TRHDE: variants seen among roughly 807,000 people sequenced by gnomAD.
TRHDE encodes the protein thyrotropin releasing hormone degrading enzyme.
A neutral mutation model predicts 125.7 loss-of-function variants in TRHDE; 72 were observed. The observed-to-expected ratio is 0.57, with a 90% CI of 0.47 to 0.70. The LOEUF is 0.70. Ranked by LOEUF, TRHDE falls within the 30% of genes least tolerant of loss-of-function variation. TRHDE has a pLI of 0.00. For synonymous variants in TRHDE, 509 were observed against 509.1 expected, an observed-to-expected ratio of 1.00 and a Z score of 0.00; for missense variants, 1,110 against 1,327.1, an observed-to-expected ratio of 0.84 and a Z score of 2.54.
intron 6 of TRHDE, among the ~76,000 whole-genome samples, chr12:72,512,061 C>G (rs1280438993): frequency 6.6e-6 from 1 of 152,028 alleles, no homozygotes; most frequent in Non-Finnish European, 1.5e-5. Flanking sequence ...TGCTGAAAAG[C>G]TTAAGAAGGT....
chr12:72,295,887 C>T (rs912700049), intron 2 of TRHDE, among the ~76,000 whole-genome samples: 5 of 151,912 alleles, frequency 3.3e-5, no homozygotes, highest in African/African-American at 1.2e-4. Context: ...CATAGAGAAA[C>T]TAAAATAAAT....
At chr12:72,232,588 C>T (rs918616490) in intron 2 of TRHDE, among the ~76,000 whole-genome samples, 6 of 151,922 alleles carry the variant, frequency 3.9e-5, no homozygotes, top group Admixed American at 3.3e-4. Flanking sequence ...AGAGTTAATA[C>T]AGAACTCTAG....
At chr12:72,607,329 C>T (rs1365414646) in intron 12 of TRHDE, among the ~76,000 whole-genome samples, 1 of 152,136 alleles carries the variant, frequency 6.6e-6, no homozygotes, top group Admixed American at 6.5e-5. Context: ...TGTATGCACA[C>T]ATAGCATAAA....
intron 2 of TRHDE, among the ~76,000 whole-genome samples, chr12:72,216,699 A>G (rs1877899249): frequency 6.6e-6 from 1 of 151,294 alleles, no homozygotes; most frequent in Non-Finnish European, 1.5e-5. Context: ...GTGTCACCAA[A>G]CAAATATCAT....
In TRHDE at chr12:72,618,923, A is replaced by C; in HGVS notation, c.2354A>C (p.Glu785Ala). The C allele has an allele frequency of 6.4e-7, 1 of 1,573,428 alleles. No individual in the cohort carries two copies. The highest frequency in any genetic ancestry group is 1.2e-5 in the South Asian group (1 of 84,308). The change falls in exon 13 of 19, where the codon GAG becomes GCG. Residue 785 changes from glutamate to alanine, a missense_variant. By Grantham distance (107) the Glu-to-Ala change is moderately radical (BLOSUM62 -1). This residue lies in a region of TRHDE where 527 missense variants were observed against 651.8 expected (regional missense o/e 0.81). Transcript: ENST00000261180. Reference protein sequence around the residue: ...AGYLPQNIPLEIIRYLSEEKD... With the variant: ...AGYLPQNIPLAIIRYLSEEKD... ...TATTTGCCTCAGAATATTCCTCTGG[A>C]GATTATCAGATACCTGTCTGAGGAG...
intron 17 of TRHDE, among the ~76,000 whole-genome samples, chr12:72,656,182 A>G (rs1488033607): frequency 6.6e-6 from 1 of 152,136 alleles, no homozygotes; most frequent in East Asian, 1.9e-4. Flanking sequence ...ACTCACTGAC[A>G]CAAGTTGTTC....
Position 72,357,464 on chromosome 12 carries a change from G to T in TRHDE, c.1189-20531G>T, listed in dbSNP as rs375105196. On this transcript the variant is annotated intron_variant, in intron 2 of 18. Coordinates refer to ENST00000261180, the MANE Select transcript of TRHDE (RefSeq NM_013381.3). ...CATGTAAGTGATATTAAGCAATATT[G>T]TTCTTTCTGTGTCTGGCTTATTTCC... Among the ~76,000 whole-genome samples, 4 of 151,460 alleles carry T rather than the reference G, an allele frequency of 2.6e-5. No homozygotes were observed. The South Asian group carries it at 6.2e-4, about 24-fold the overall frequency.
chr12:72,490,222 T>C (rs986476770), intron 5 of TRHDE, among the ~76,000 whole-genome samples: 1 of 151,750 alleles, frequency 6.6e-6, no homozygotes, highest in South Asian at 2.1e-4. Flanking sequence ...CCAGCAGATA[T>C]ATGAAAAGAT....
In TRHDE at chr12:72,331,753, TG is replaced by T. The variant is rs1398830556; in HGVS notation, c.1188+44801del. Among the ~76,000 whole-genome samples, 3 of 152,282 alleles carry T rather than the reference TG, an allele frequency of 2.0e-5. No individual in the cohort carries two copies. The East Asian group carries it at 5.8e-4, about 29-fold the overall frequency. On this transcript the variant is annotated intron_variant, in intron 2 of 18. Transcript: ENST00000261180. ...ATGGCCCAACCTAGAGGAAGTTGTG[TG>T]GCAAGAGGTGGGAAGATAGGCATGT...
At chr12:72,435,107 C>T (rs1246323259) in intron 3 of TRHDE, among the ~76,000 whole-genome samples, 2 of 152,152 alleles carry the variant, frequency 1.3e-5, no homozygotes, top group Non-Finnish European at 2.9e-5. Flanking sequence ...TCATTGTTGT[C>T]AGATCTTGTC....
intron 6 of TRHDE, among the ~76,000 whole-genome samples, chr12:72,516,160 G>T (rs930462484): frequency 4.6e-5 from 7 of 151,296 alleles, no homozygotes; most frequent in African/African-American, 1.7e-4. Context: ...CTTTAAAGTA[G>T]TTTTTTCCAA....
intron 3 of TRHDE, among the ~76,000 whole-genome samples, chr12:72,443,074 C>T (rs1322319638): frequency 6.6e-6 from 1 of 151,762 alleles, no homozygotes; most frequent in South Asian, 2.1e-4. Context: ...GTAAAGTCCT[C>T]CACGATTTGG....
intron 6 of TRHDE, among the ~76,000 whole-genome samples, chr12:72,537,664 T>C (rs1475537018): frequency 6.6e-6 from 1 of 152,076 alleles, no homozygotes; most frequent in Non-Finnish European, 1.5e-5. Context: ...CTTAAACTCC[T>C]AATTACGTTT....
At chr12:72,411,835 G>C (rs1021611727) in intron 3 of TRHDE, among the ~76,000 whole-genome samples, 2 of 152,066 alleles carry the variant, frequency 1.3e-5, no homozygotes, top group Non-Finnish European at 2.9e-5. Context: ...ACTTATTGAG[G>C]GATATTTGAG....
intron 3 of TRHDE, among the ~76,000 whole-genome samples, chr12:72,399,171 AC>A (rs987979330): frequency 1.6e-4 from 25 of 152,082 alleles, no homozygotes; most frequent in Admixed American, 1.4e-3. Context: ...GCCATCCCAT[AC>A]CCCCACCTCT....
At chr12:72,123,272 A>G (rs1438737702) in intron 2 of TRHDE, among the ~76,000 whole-genome samples, 1 of 152,152 alleles carries the variant, frequency 6.6e-6, no homozygotes, top group East Asian at 1.9e-4. Flanking sequence ...GGAAGTGAAT[A>G]TTTCTGGAAG....
chr12:72,487,888 G>A (rs1053316429), intron 5 of TRHDE, among the ~76,000 whole-genome samples: 3 of 152,052 alleles, frequency 2.0e-5, no homozygotes, highest in Admixed American at 1.3e-4. Context: ...AAACTGTGGA[G>A]GGAGATGGTA....
At chr12:72,616,863 A>G (rs1315989311) in intron 12 of TRHDE, among the ~76,000 whole-genome samples, 3 of 152,150 alleles carry the variant, frequency 2.0e-5, no homozygotes, top group Non-Finnish European at 4.4e-5. Context: ...TGAATATATA[A>G]TCACCACACT....
intron 3 of TRHDE, among the ~76,000 whole-genome samples, chr12:72,454,717 C>T (rs1211268141): frequency 7.9e-5 from 12 of 152,120 alleles, no homozygotes; most frequent in Non-Finnish European, 1.8e-4. Flanking sequence ...GTCTGAGGAT[C>T]TTGTTAAAAT....
Sources: gnomAD v4.1 joint callset for allele counts (sites outside exome capture counted in the v4.1 genomes callset) on GRCh38, gnomAD v4.1.1 for gene constraint, gnomAD v4.1.1 regional missense constraint, MANE v1.5 for transcripts, NCBI Gene and HGNC (gene_info 2026-07-23, HGNC 2026-07-21) for gene names.